EPHB4: variants seen among roughly 807,000 people sequenced by gnomAD.
EPHB4 encodes the protein EPH receptor B4, also known as ephrin type-B receptor 4.
EPHB4 carries 50 observed loss-of-function variants against 110.6 expected under a neutral mutation model. The observed-to-expected ratio is 0.45, with a 90% CI of 0.36 to 0.57. The LOEUF (loss-of-function observed/expected upper bound fraction) is 0.57. EPHB4 is among the 20% of genes least tolerant of loss of function. The pLI is 0.00. For missense variants in EPHB4, 1,128 were observed against 1,382.1 expected (o/e 0.82, Z 2.91); for synonymous variants, 592 against 578.4 (o/e 1.02, Z -0.34).
intron 5 of EPHB4, 121 bp from the exon 6 acceptor site, chr7:100,820,010 C>T: frequency 6.7e-7 from 1 of 1,485,114 alleles, no homozygotes; most frequent in Non-Finnish European, 9.0e-7. Context: ...TCCACATGTT[C>T]CTCCGGGCTA....
At chr7:100,824,501 T>G in intron 1 of EPHB4, 1 of 553,792 alleles carries the variant, frequency 1.8e-6, no homozygotes, top group Non-Finnish European at 3.2e-6. Flanking sequence ...TCCCTTGGGA[T>G]ACCCCAGATC....
At chr7:100,809,815 A>T (rs1385305981) in intron 12 of EPHB4, among the ~76,000 whole-genome samples, 1 of 151,980 alleles carries the variant, frequency 6.6e-6, no homozygotes, top group African/African-American at 2.4e-5. Context: ...AACCTTTAAG[A>T]CCCTTTCTGT....
In EPHB4 at chr7:100,819,907, G is replaced by A. The variant is rs370366072; in HGVS notation, c.965-18C>T. ...AGGAGGGGCTGCAGGAGACCAGGGA[G>A]TCAGGCAGAGGCCGACCTGCTCTGC... On this transcript the variant is annotated intron_variant, in intron 5 of 16. Transcript: ENST00000358173. 8.1e-5 allele frequency: 124 copies of A among 1,536,486 alleles called. No homozygotes were observed. Among genetic ancestry groups the A allele is most frequent in the Non-Finnish European group, 1.0e-4 (119 of 1,137,812 alleles).
At chr7:100,821,373 T>G (rs1483535814) in intron 4 of EPHB4, 2 of 151,926 alleles carry the variant, frequency 1.3e-5, no homozygotes, top group Middle Eastern at 3.4e-3. Context: ...CTCACACCTG[T>G]AATCCCAGCA....
intron 5 of EPHB4, 58 bp from the exon 6 acceptor site, chr7:100,819,947 G>GCCT: frequency 6.7e-7 from 1 of 1,492,060 alleles, no homozygotes; most frequent in Non-Finnish European, 9.0e-7. Flanking sequence ...GTGGGGAGAG[G>GCCT]GCAATGGAGG....
intron 13 of EPHB4, among the ~76,000 whole-genome samples, chr7:100,806,945 C>T (rs1452779014): frequency 3.9e-5 from 6 of 152,176 alleles, no homozygotes; most frequent in African/African-American, 1.4e-4. Flanking sequence ...GCTGGATTTA[C>T]AGGCGTGAGC....
intron 12 of EPHB4, among the ~76,000 whole-genome samples, chr7:100,811,639 G>A (rs1812935169): frequency 6.6e-6 from 1 of 152,072 alleles, no homozygotes; most frequent in Non-Finnish European, 1.5e-5. Context: ...GGAGGCTGAG[G>A]AGGGAGGCTC....
chr7:100,820,087 T>A (rs780856824), intron 5 of EPHB4, 54 bp downstream of exon 5: 291 of 1,593,030 alleles, frequency 1.8e-4, no homozygotes, highest in Non-Finnish European at 2.3e-4. Context: ...AGGGTCCACC[T>A]CAGAGGTCTG....
At position 100,820,452 on chromosome 7, in the gene EPHB4, G is replaced by A. The variant is rs539700575; in HGVS notation, c.809-156C>T. ...TCAAGACCAGCCTGGGCAACATATC[G>A]AGATCCCATCTCCAAAAAAAAAAAA... is the stretch of plus-strand genomic sequence containing the variant. On this transcript the variant is annotated intron_variant, in intron 4 of 16. Coordinates refer to ENST00000358173, the MANE Select transcript of EPHB4 (RefSeq NM_004444.5). 2.4e-4 allele frequency: 154 copies of A among 633,734 alleles called. 1 individual carries two copies. The Middle Eastern group carries it at 4.1e-3, about 17-fold the overall frequency. 39.3% of individuals were successfully genotyped at this position (633,734 alleles called of 1,614,324 possible).
At chr7:100,813,793 C>G in intron 9 of EPHB4, 77 bp from the exon 10 acceptor site, 1 of 1,607,554 alleles carries the variant, frequency 6.2e-7, no homozygotes. Flanking sequence ...AAGGAAGGAG[C>G]AGGGATTGGA....
Position 100,802,974 on chromosome 7 carries a change from G to T in EPHB4, c.*487C>A, listed in dbSNP as rs998114827. On this transcript the variant is annotated 3_prime_UTR_variant, in exon 17 of 17. Coordinates refer to ENST00000358173, the MANE Select transcript of EPHB4 (RefSeq NM_004444.5). ...TTCAATATGAAGGCAGCAGCTGGGG[G>T]AGGGGCATTTACAAGGGAAAAAAAT... The T allele has an allele frequency of 1.3e-5, 2 of 152,754 alleles. No individual in the cohort carries two copies. The highest frequency in any genetic ancestry group is 4.8e-5 in the African/African-American group (2 of 41,478). The allele number at this position is 152,754 out of a possible 1,614,324, so 9.5% of individuals were successfully genotyped here. A position where few individuals can be genotyped will look rare whatever the true frequency, so the allele number is the denominator to read the frequency against.
Position 100,812,889 on chromosome 7 carries a change from C to A in EPHB4, c.1976G>T (p.Arg659Leu). ...GATGGAGGCCTCGCTCAGAAACTCA[C>A]GCCGCTGCCGCTCCGTGTAGCCACC... ...LKGGYTERQR[R>L]EFLSEASIMG... The change falls in exon 12 of 17, where the codon CGT becomes CTT. Residue 659 changes from arginine to leucine, a missense_variant. Arg to Leu is a moderately radical substitution (Grantham distance 102). This residue lies in a region of EPHB4 where 191 missense variants were observed against 313.0 expected (regional missense o/e 0.61). Transcript: ENST00000358173. 6.2e-7 allele frequency: 1 copy of A among 1,614,240 alleles called. No homozygotes were observed. The highest frequency in any genetic ancestry group is 8.5e-7 in the Non-Finnish European group (1 of 1,180,046).
At chr7:100,815,838 T>A (rs1813053642) in intron 8 of EPHB4, among the ~76,000 whole-genome samples, 1 of 151,316 alleles carries the variant, frequency 6.6e-6, no homozygotes, top group South Asian at 2.1e-4. Context: ...TAAAAAAAAA[T>A]TTAGTTGAGC....
At chr7:100,814,137 A>G in intron 8 of EPHB4, 116 bp from the exon 9 acceptor site, 2 of 1,091,988 alleles carry the variant, frequency 1.8e-6, no homozygotes, top group Non-Finnish European at 2.6e-6. Flanking sequence ...TACAGGGGAC[A>G]GGTGGAGGGA....
At position 100,806,468 on chromosome 7, in the gene EPHB4, C is replaced by T. The variant is rs1812819756; in HGVS notation, c.2436G>A (p.Glu812=). The change falls in exon 14 of 17, where the codon GAG becomes GAA. Residue 812 remains glutamate, a synonymous_variant. Coordinates refer to ENST00000358173, the MANE Select transcript of EPHB4 (RefSeq NM_004444.5). The part of the protein sequence containing the change: ...DAWSYGIVMW[E]VMSFGERPYW... Reference sequence around the variant, plus strand: ...ACGGCCTCTCCCCAAATGACATCACCTCCCACATCACAATCCCGTAACTCC... The same window carrying T: ...ACGGCCTCTCCCCAAATGACATCACTTCCCACATCACAATCCCGTAACTCC... 1 of 1,614,146 alleles carries T rather than the reference C, an allele frequency of 6.2e-7. No homozygotes were observed. The highest frequency in any genetic ancestry group is 1.3e-5 in the African/African-American group (1 of 75,040).
At position 100,805,666 on chromosome 7, in the gene EPHB4, C is replaced by T. The variant is rs1471186320; in HGVS notation, c.2513G>A (p.Arg838Gln). Reference protein sequence around the residue: ...DVINAIEQDYRLPPPPDCPTS... With the variant: ...DVINAIEQDYQLPPPPDCPTS... ...GGGACAGTCTGGGGGCGGGGGCAGC[C>T]GGTAGTCCTGTTCAATGGCATTGAT... Residue 838 changes from arginine to glutamine, a missense_variant, in exon 15 of 17, where the codon CGG becomes CAG. This residue lies in a region of EPHB4 where 209 missense variants were observed against 240.5 expected (regional missense o/e 0.87). Coordinates refer to ENST00000358173, the MANE Select transcript of EPHB4 (RefSeq NM_004444.5). 6 of 1,526,022 alleles carry T rather than the reference C, an allele frequency of 3.9e-6. No homozygotes were observed. Among genetic ancestry groups the T allele is most frequent in the Non-Finnish European group, 3.5e-6 (4 of 1,138,984 alleles). The allele number at this position is 1,526,022 out of a possible 1,614,324, so 94.5% of individuals were successfully genotyped here. A position where few individuals can be genotyped will look rare whatever the true frequency, so the allele number is the denominator to read the frequency against.
At position 100,807,482 on chromosome 7, in the gene EPHB4, TCGG is replaced by T; in HGVS notation, c.2214_2216del (p.His738_Arg739delinsGln). ...CTAGGATGTTGCGAGCAGCCAGGTC[TCGG>T]TGGACGTAGCTCATCTCGGCAAGGT... On this transcript the variant is annotated inframe_deletion, in exon 13 of 17. Transcript: ENST00000358173. 6.2e-7 allele frequency: 1 copy of T among 1,614,060 alleles called. No homozygotes were observed. The highest frequency in any genetic ancestry group is 8.5e-7 in the Non-Finnish European group (1 of 1,180,020).
At chr7:100,818,050 T>C (rs1043196786) in intron 7 of EPHB4, among the ~76,000 whole-genome samples, 1 of 150,690 alleles carries the variant, frequency 6.6e-6, no homozygotes, top group African/African-American at 2.4e-5. Context: ...GTATTTTTAG[T>C]AGAGATGGGG....
At chr7:100,815,669 C>T (rs1345590012) in intron 8 of EPHB4, among the ~76,000 whole-genome samples, 1 of 152,078 alleles carries the variant, frequency 6.6e-6, no homozygotes, top group Non-Finnish European at 1.5e-5. Context: ...AAAGCTATTA[C>T]AGAAAATTAC....
Sources: gnomAD v4.1 joint callset for allele counts (sites outside exome capture counted in the v4.1 genomes callset) on GRCh38, gnomAD v4.1.1 for gene constraint, gnomAD v4.1.1 regional missense constraint, MANE v1.5 for transcripts, NCBI Gene and HGNC (gene_info 2026-07-23, HGNC 2026-07-21) for gene names.